The following TMEM132D variants were observed in gnomAD, a reference collection of about 807,000 sequenced individuals.
TMEM132D encodes transmembrane protein 132D, also known as mature OL transmembrane protein.
In TMEM132D, 21 loss-of-function variants were observed where a neutral mutation model predicts 62.3. The ratio of observed to expected loss-of-function variants is 0.34; its 90% CI spans 0.24 to 0.49. The LOEUF is 0.49. Among genes scored for constraint, TMEM132D ranks in the 20% least tolerant of loss-of-function variants. The pLI, the probability that TMEM132D is intolerant of heterozygous loss-of-function variation, is 0.99. For missense variants in TMEM132D, 1,346 were observed against 1,402.8 expected (o/e 0.96, Z 0.65); for synonymous variants, 621 against 575.6 (o/e 1.08, Z -1.13).
chr12:129,898,853 G>C (rs995237224), intron 1 of TMEM132D, among the ~76,000 whole-genome samples: 2 of 152,334 alleles, frequency 1.3e-5, no homozygotes, highest in African/African-American at 2.4e-5. Flanking sequence ...GGCAGTTACT[G>C]TTATGAAATA....
intron 3 of TMEM132D, among the ~76,000 whole-genome samples, chr12:129,481,582 C>A (rs1046386942): frequency 6.6e-6 from 1 of 151,956 alleles, no homozygotes; most frequent in African/African-American, 2.4e-5. Flanking sequence ...AAAAGATTTT[C>A]AATCTTACTA....
At chr12:129,353,185 A>C (rs1308929932) in intron 3 of TMEM132D, among the ~76,000 whole-genome samples, 2 of 151,568 alleles carry the variant, frequency 1.3e-5, no homozygotes, top group African/African-American at 4.9e-5. Context: ...GATTGTGAAC[A>C]ACCATGTTAG....
intron 2 of TMEM132D, among the ~76,000 whole-genome samples, chr12:129,538,747 A>T (rs1876484575): frequency 1.3e-5 from 2 of 152,250 alleles, no homozygotes; most frequent in Non-Finnish European, 2.9e-5. Context: ...GATGAGAGGT[A>T]ATAAAATTTC....
intron 1 of TMEM132D, among the ~76,000 whole-genome samples, chr12:129,799,789 C>T (rs904027368): frequency 1.3e-5 from 2 of 152,128 alleles, no homozygotes; most frequent in African/African-American, 2.4e-5. Flanking sequence ...AGGGAGACTC[C>T]TCCCCCACAG....
Position 129,604,845 on chromosome 12 carries a change from C to T in TMEM132D, c.969-73640G>A, listed in dbSNP as rs530585114. Among the ~76,000 whole-genome samples the T allele has an allele frequency of 1.6e-4, 25 of 152,190 alleles. No homozygotes were observed. In the South Asian group the frequency reaches 4.6e-3, roughly 28 times the overall value. ...ACCCAGCTAAGACACAAAATTAAGA[C>T]GCTATTAGCAGACTTAATATTCAAC... On this transcript the variant is annotated intron_variant, in intron 2 of 8. Transcript: ENST00000422113.
chr12:129,562,957 C>G (rs1877277550), intron 2 of TMEM132D, among the ~76,000 whole-genome samples: 1 of 152,184 alleles, frequency 6.6e-6, no homozygotes. Flanking sequence ...TATTACGGCA[C>G]CTACCATCTT....
intron 1 of TMEM132D, among the ~76,000 whole-genome samples, chr12:129,875,462 C>T (rs1265151032): frequency 4.6e-5 from 7 of 152,204 alleles, no homozygotes; most frequent in African/African-American, 1.2e-4. Context: ...CCCGGCTCTG[C>T]GTTGCCGACG....
At chr12:129,492,624 A>G (rs1210171322) in intron 3 of TMEM132D, among the ~76,000 whole-genome samples, 1 of 152,234 alleles carries the variant, frequency 6.6e-6, no homozygotes. Context: ...GAGAAAATAC[A>G]GTATACACAC....
chr12:129,423,608 T>G (rs2135712258), intron 3 of TMEM132D, among the ~76,000 whole-genome samples: 1 of 152,294 alleles, frequency 6.6e-6, no homozygotes, highest in Non-Finnish European at 1.5e-5. Flanking sequence ...GTCACTCACC[T>G]AGCCCAAGAT....
chr12:129,588,356 A>G (rs142551739), intron 2 of TMEM132D, among the ~76,000 whole-genome samples: 1 of 152,154 alleles, frequency 6.6e-6, no homozygotes, highest in Admixed American at 6.5e-5. Context: ...ATCACTCAAC[A>G]TGTTTATAAT....
chr12:129,667,279 A>C (rs1593112456), intron 2 of TMEM132D, among the ~76,000 whole-genome samples: 2 of 152,360 alleles, frequency 1.3e-5, no homozygotes, highest in Admixed American at 6.5e-5. Flanking sequence ...TTAACATCAA[A>C]GATGCACTAA....
chr12:129,715,709 G>A (rs1283777193), intron 1 of TMEM132D, among the ~76,000 whole-genome samples: 1 of 152,146 alleles, frequency 6.6e-6, no homozygotes, highest in South Asian at 2.1e-4. Context: ...CTCGATTAAT[G>A]AGTTAAATAA....
chr12:129,135,588 G>C (rs1177457004), intron 5 of TMEM132D, among the ~76,000 whole-genome samples: 2 of 152,172 alleles, frequency 1.3e-5, no homozygotes, highest in African/African-American at 2.4e-5. Flanking sequence ...TTAGTAAATT[G>C]TGTTGTATCA....
chr12:129,266,364 T>C (rs1192549353), intron 4 of TMEM132D, among the ~76,000 whole-genome samples: 1 of 149,084 alleles, frequency 6.7e-6, no homozygotes, highest in Admixed American at 6.7e-5. Flanking sequence ...CTCCTTTCCT[T>C]TCTCCTCTTC....
At chr12:129,715,611 C>T (rs570737707) in intron 1 of TMEM132D, among the ~76,000 whole-genome samples, 3 of 152,348 alleles carry the variant, frequency 2.0e-5, no homozygotes, top group East Asian at 1.9e-4. Flanking sequence ...TCAACCTGCA[C>T]ATGTGCAATT....
At chr12:129,820,680 TG>T (rs1341196594) in intron 1 of TMEM132D, among the ~76,000 whole-genome samples, 1 of 152,156 alleles carries the variant, frequency 6.6e-6, no homozygotes, top group East Asian at 1.9e-4. Flanking sequence ...ATATTTCAGG[TG>T]TAAAGAAATG....
intron 2 of TMEM132D, among the ~76,000 whole-genome samples, chr12:129,638,518 T>TAAAC (rs1340449079): frequency 5.1e-4 from 23 of 45,476 alleles, no homozygotes; most frequent in African/African-American, 1.5e-3. Context: ...TATAAATATA[T>TAAAC]ATAAATATAT....
chr12:129,082,883 C>G (rs1175886338), intron 6 of TMEM132D, among the ~76,000 whole-genome samples: 1 of 152,180 alleles, frequency 6.6e-6, no homozygotes, highest in African/African-American at 2.4e-5. Flanking sequence ...TGCAAGCCAC[C>G]ATGCCTGGCT....
At chr12:129,426,379 G>A (rs751349469) in intron 3 of TMEM132D, among the ~76,000 whole-genome samples, 1 of 152,170 alleles carries the variant, frequency 6.6e-6, no homozygotes, top group Non-Finnish European at 1.5e-5. Flanking sequence ...TAGGAGCAAG[G>A]AGGCTCAGAA....
Sources: allele counts gnomAD v4.1 joint callset (sites outside exome capture counted in the v4.1 genomes callset), GRCh38; gene constraint gnomAD v4.1.1; transcripts MANE v1.5; gene names NCBI Gene and HGNC (gene_info 2026-07-23, HGNC 2026-07-21).